SEC61A1: variants seen among roughly 807,000 people sequenced by gnomAD.
SEC61A1 encodes the protein SEC61 translocon subunit alpha 1, also known as protein transport protein Sec61 subunit alpha isoform 1.
SEC61A1 carries 15 observed loss-of-function variants against 55.2 expected under a neutral mutation model. The ratio of observed to expected loss-of-function variants is 0.27; its 90% CI spans 0.18 to 0.42. The LOEUF is 0.42. Among genes scored for constraint, SEC61A1 ranks in the 10% least tolerant of loss-of-function variants. The pLI, the probability that SEC61A1 is intolerant of heterozygous loss-of-function variation, is 1.00. For missense variants in SEC61A1, 284 were observed against 602.6 expected, an observed-to-expected ratio of 0.47 and a Z score of 5.53; for synonymous variants, 247 against 234.0, an observed-to-expected ratio of 1.06 and a Z score of -0.51.
chr3:128,058,584 G>A (rs1941808473), intron 5 of SEC61A1, among the ~76,000 whole-genome samples: 1 of 152,216 alleles, frequency 6.6e-6, no homozygotes, highest in African/African-American at 2.4e-5. Flanking sequence ...ACATGTGGCT[G>A]GGAGCGGTGG....
In SEC61A1 at chr3:128,069,491, C is replaced by A; in HGVS notation, c.1260C>A (p.Ala420=). The change falls in exon 12 of 12, where the codon GCC becomes GCA. Residue 420 remains alanine, a synonymous_variant. Coordinates refer to ENST00000243253, the MANE Select transcript of SEC61A1 (RefSeq NM_013336.4). ...VHELNRYIPT[A]AAFGGLCIGA... is the part of the protein sequence containing the mutation. ...CCTCCCCCAGGTACATCCCCACAGC[C>A]GCGGCCTTTGGTGGGCTGTGCATCG... The A allele has an allele frequency of 6.2e-7, 1 of 1,612,088 alleles. No individual in the cohort carries two copies. Among genetic ancestry groups the A allele is most frequent in the Non-Finnish European group, 8.5e-7 (1 of 1,179,974 alleles).
Position 128,065,040 on chromosome 3 carries a change from G to T in SEC61A1, c.777+3G>T. Reference sequence around the variant, plus strand: ...TTGCAGTGGTCATCTATTTCCAGGTGTGTCCAGATCCAACCCCAGGGAGTT... The same window carrying T: ...TTGCAGTGGTCATCTATTTCCAGGTTTGTCCAGATCCAACCCCAGGGAGTT... On this transcript the variant is annotated splice_donor_region_variant and intron_variant, in intron 8 of 11. Transcript: ENST00000243253. 6.2e-7 allele frequency: 1 copy of T among 1,614,226 alleles called. No individual in the cohort carries two copies. Among genetic ancestry groups the T allele is most frequent in the Non-Finnish European group, 8.5e-7 (1 of 1,180,030 alleles).
chr3:128,051,924 G>A (rs1941678350), upstream of SEC61A1: 2 of 1,527,928 alleles, frequency 1.3e-6, no homozygotes, highest in Non-Finnish European at 8.8e-7. Context: ...AGCCCCACCA[G>A]CCCGCGCCCT....
In SEC61A1 at chr3:128,056,667, T is replaced by TC. The variant is rs748876124; in HGVS notation, c.221-40dup. The TC allele has an allele frequency of 7.6e-6, 11 of 1,439,154 alleles. No individual in the cohort carries two copies. The South Asian group carries it at 1.8e-4, about 23-fold the overall frequency. The allele number at this position is 1,439,154 out of a possible 1,614,324, so 89.1% of individuals were successfully genotyped here. On this transcript the variant is annotated intron_variant, in intron 4 of 11. Transcript: ENST00000243253. ...CATTTTTAAAATAACGTACTACGTT[T>TC]CCAAGCTGATATTGACTGTTTTGCT...
intron 2 of SEC61A1, among the ~76,000 whole-genome samples, chr3:128,053,387 A>C (rs1056088169): frequency 6.6e-6 from 1 of 152,222 alleles, no homozygotes; most frequent in Admixed American, 6.5e-5. Context: ...AATAAAGGCT[A>C]TTCTTTTGTG....
intron 11 of SEC61A1, 36 bp from the exon 12 acceptor site, chr3:128,069,440 T>G: frequency 1.9e-6 from 3 of 1,594,164 alleles, no homozygotes; most frequent in Non-Finnish European, 2.6e-6. Flanking sequence ...GGGAGCTCTG[T>G]GGGTGTCCAG....
chr3:128,068,612 G>C (rs1279032049), intron 11 of SEC61A1: 1 of 153,900 alleles, frequency 6.5e-6, no homozygotes, highest in East Asian at 1.9e-4. Flanking sequence ...CCACGCTAGA[G>C]AGGGAGAGGG....
chr3:128,058,688 G>A (rs1352898934), intron 5 of SEC61A1, among the ~76,000 whole-genome samples: 1 of 152,052 alleles, frequency 6.6e-6, no homozygotes. Context: ...CAGTGAGAGA[G>A]ACCCCATCTC....
At position 128,068,076 on chromosome 3, in the gene SEC61A1, G is replaced by C; in HGVS notation, c.1244+17G>C. 6.2e-7 allele frequency: 1 copy of C among 1,608,680 alleles called. No homozygotes were observed. Among genetic ancestry groups the C allele is most frequent in the Non-Finnish European group, 8.5e-7 (1 of 1,175,430 alleles). On this transcript the variant is annotated intron_variant, in intron 11 of 11. Transcript: ENST00000243253. The stretch of plus-strand genomic sequence containing the variant: ...ACTCAACCGGTGAGTGGTGGCCCCA[G>C]GTCCCCAACCTCCCGTCTGTGGACA...
At chr3:128,058,969 A>G (rs1941815947) in intron 5 of SEC61A1, among the ~76,000 whole-genome samples, 1 of 152,242 alleles carries the variant, frequency 6.6e-6, no homozygotes, top group Non-Finnish European at 1.5e-5. Flanking sequence ...ATTGTTGTGG[A>G]GCACTTTTTA....
At chr3:128,056,329 A>G (rs1941769802) in intron 4 of SEC61A1, among the ~76,000 whole-genome samples, 1 of 152,240 alleles carries the variant, frequency 6.6e-6, no homozygotes, top group Admixed American at 6.5e-5. Flanking sequence ...ACAACTAGAT[A>G]CAATTGTACA....
intron 7 of SEC61A1, among the ~76,000 whole-genome samples, chr3:128,064,086 GGT>G (rs1941894454): frequency 1.3e-5 from 2 of 152,270 alleles, no homozygotes; most frequent in East Asian, 3.9e-4. Flanking sequence ...TTGTATCCTT[GGT>G]GTGAGAAGCA....
chr3:128,055,408 A>T (rs929921445), intron 2 of SEC61A1, 108 bp from the exon 3 acceptor site: 1 of 859,096 alleles, frequency 1.2e-6, no homozygotes, highest in African/African-American at 1.7e-5. Context: ...CAGAGAAAAG[A>T]GTCTGGTTGG....
upstream of SEC61A1, chr3:128,051,901 AG>A: frequency 6.5e-7 from 1 of 1,536,006 alleles, no homozygotes; most frequent in Non-Finnish European, 8.7e-7. Context: ...TCAGACAGCG[AG>A]GGTGCTCGGT....
At chr3:128,056,128 C>T (rs1941766596) in intron 4 of SEC61A1, among the ~76,000 whole-genome samples, 1 of 152,180 alleles carries the variant, frequency 6.6e-6, no homozygotes, top group South Asian at 2.1e-4. Flanking sequence ...CTATAGGTTA[C>T]ATATAGTGTC....
chr3:128,051,673 T>A, upstream of SEC61A1: 1 of 1,427,886 alleles, frequency 7.0e-7, no homozygotes, highest in Non-Finnish European at 9.1e-7. Flanking sequence ...CACAACAGTC[T>A]CCTCAACCTG....
rs936282882 is a variant in SEC61A1 at position 128,070,305 on chromosome 3, T to C, written c.*643T>C. The stretch of plus-strand genomic sequence containing the variant: ...ATCTGTGGATTTGTCTGTGCACCTA[T>C]TGGCTCTTCTAGCTGACTCTTCTGG... On this transcript the variant is annotated 3_prime_UTR_variant, in exon 12 of 12. Coordinates refer to ENST00000243253, the MANE Select transcript of SEC61A1 (RefSeq NM_013336.4). 1 of 152,292 alleles carries C rather than the reference T, an allele frequency of 6.6e-6. No individual in the cohort carries two copies. Among genetic ancestry groups the C allele is most frequent in the African/African-American group, 2.4e-5 (1 of 41,456 alleles). The allele number at this position is 152,292 out of a possible 1,614,324, so 9.4% of individuals were successfully genotyped here. A position where few individuals can be genotyped will look rare whatever the true frequency, so the allele number is the denominator to read the frequency against.
At chr3:128,057,167 T>G (rs1455223717) in intron 5 of SEC61A1, among the ~76,000 whole-genome samples, 2 of 152,148 alleles carry the variant, frequency 1.3e-5, no homozygotes, top group Non-Finnish European at 2.9e-5. Flanking sequence ...CTCCTGATCT[T>G]GTGATCCACC....
At chr3:128,052,730 C>T (rs1041330308) in intron 1 of SEC61A1, 105 bp from the exon 2 acceptor site, 20 of 1,492,242 alleles carry the variant, frequency 1.3e-5, no homozygotes, top group Non-Finnish European at 1.7e-5. Flanking sequence ...GGCCGGCTCC[C>T]CTGGCCCCTG....
Sources: allele counts gnomAD v4.1 joint callset (sites outside exome capture counted in the v4.1 genomes callset), GRCh38; gene constraint gnomAD v4.1.1; transcripts MANE v1.5; gene names NCBI Gene and HGNC (gene_info 2026-07-23, HGNC 2026-07-21).